Variants in BBS9 observed in about 807,000 individuals in gnomAD.
The protein encoded by BBS9 is Bardet-Biedl syndrome 9.
In BBS9, 89 loss-of-function variants were observed where a neutral mutation model predicts 117.7. The observed-to-expected ratio is 0.76, with a 90% CI of 0.64 to 0.90. The LOEUF is 0.90. Among genes scored for constraint, BBS9 ranks in the 40% least tolerant of loss-of-function variants. The pLI is 0.00. For synonymous variants in BBS9, 379 were observed against 370.9 expected, an observed-to-expected ratio of 1.02 and a Z score of -0.25; for missense variants, 982 against 1,042.2, an observed-to-expected ratio of 0.94 and a Z score of 0.80.
intron 9 of BBS9, among the ~76,000 whole-genome samples, chr7:33,298,131 AT>A (rs1011537899): frequency 1.3e-5 from 2 of 151,612 alleles, no homozygotes; most frequent in Non-Finnish European, 2.9e-5. Flanking sequence ...GAATATTTTC[AT>A]TTTTTTTCAT....
chr7:33,597,069 TCACACACA>T (rs58511454), intron 21 of BBS9, among the ~76,000 whole-genome samples: 6,316 of 138,872 alleles, frequency 0.045, 197 homozygotes, highest in South Asian at 0.11. Flanking sequence ...TCTCTCTCTG[TCACACACA>T]CACACACACA....
At chr7:33,562,066 C>A (rs1322453746) in intron 21 of BBS9, among the ~76,000 whole-genome samples, 1 of 152,156 alleles carries the variant, frequency 6.6e-6, no homozygotes, top group Non-Finnish European at 1.5e-5. Flanking sequence ...AAAGTAACTT[C>A]AATTTCAAAG....
intron 9 of BBS9, among the ~76,000 whole-genome samples, chr7:33,331,509 A>G (rs562899933): frequency 1.1e-4 from 17 of 152,298 alleles, no homozygotes; most frequent in Non-Finnish European, 2.2e-4. Flanking sequence ...GTATGCCTAG[A>G]AAACCCTAAA....
intron 9 of BBS9, among the ~76,000 whole-genome samples, chr7:33,298,830 G>T (rs552402386): frequency 4.7e-4 from 72 of 152,318 alleles, no homozygotes; most frequent in African/African-American, 1.7e-3. Flanking sequence ...GACTTGAACT[G>T]TAGTCCACAT....
chr7:33,614,001 T>C (rs1865010690), intron 21 of BBS9, among the ~76,000 whole-genome samples: 1 of 152,092 alleles, frequency 6.6e-6, no homozygotes. Context: ...TTGACACAAC[T>C]AAATGCTGGG....
intron 19 of BBS9, among the ~76,000 whole-genome samples, chr7:33,501,117 C>G (rs1245350234): frequency 6.6e-6 from 1 of 152,172 alleles, no homozygotes; most frequent in Admixed American, 6.5e-5. Flanking sequence ...ATCGCTCTCC[C>G]TCAAATTTAA....
At chr7:33,506,456 T>TA (rs1846165103) in intron 20 of BBS9, among the ~76,000 whole-genome samples, 1 of 152,164 alleles carries the variant, frequency 6.6e-6, no homozygotes, top group Admixed American at 6.5e-5. Flanking sequence ...AACAATTTTT[T>TA]TGAGTGGTTA....
At chr7:33,318,053 C>T (rs1229990855) in intron 9 of BBS9, among the ~76,000 whole-genome samples, 2 of 152,024 alleles carry the variant, frequency 1.3e-5, no homozygotes, top group African/African-American at 2.4e-5. Context: ...CTGTCTCAAA[C>T]AAAACAATAC....
chr7:33,534,464 T>C (rs1851062840), intron 21 of BBS9: 1 of 467,836 alleles, frequency 2.1e-6, no homozygotes, highest in Admixed American at 3.4e-5. Flanking sequence ...GATTAGAAGA[T>C]AAACTATTTT....
chr7:33,490,861 C>T (rs1164414788), intron 19 of BBS9, among the ~76,000 whole-genome samples: 2 of 152,080 alleles, frequency 1.3e-5, no homozygotes, highest in Non-Finnish European at 2.9e-5. Context: ...TTTCTAGCTC[C>T]GTGGAGTTCT....
At chr7:33,522,314 A>T (rs1585112157) in intron 20 of BBS9, among the ~76,000 whole-genome samples, 1 of 151,982 alleles carries the variant, frequency 6.6e-6, no homozygotes, top group Non-Finnish European at 1.5e-5. Flanking sequence ...TCCCTGAGGA[A>T]TCGCCACACT....
intron 18 of BBS9, among the ~76,000 whole-genome samples, chr7:33,385,838 A>G (rs1477041399): frequency 6.9e-6 from 1 of 145,242 alleles, no homozygotes; most frequent in African/African-American, 2.5e-5. Context: ...TCTTTTAAAA[A>G]CTTTATTTAA....
chr7:33,614,982 C>G (rs1229679981), intron 21 of BBS9, among the ~76,000 whole-genome samples: 2 of 152,036 alleles, frequency 1.3e-5, no homozygotes, highest in Non-Finnish European at 2.9e-5. Flanking sequence ...TGTCAGTCCA[C>G]AGTCAATCCT....
chr7:33,557,349 C>G (rs1160769455), intron 21 of BBS9, among the ~76,000 whole-genome samples: 1 of 152,136 alleles, frequency 6.6e-6, no homozygotes, highest in African/African-American at 2.4e-5. Context: ...ATCATCATTA[C>G]TTTATATTTA....
At chr7:33,486,872 C>T (rs1446152908) in intron 19 of BBS9, among the ~76,000 whole-genome samples, 2 of 152,186 alleles carry the variant, frequency 1.3e-5, no homozygotes, top group Non-Finnish European at 2.9e-5. Flanking sequence ...CAGACCAGTG[C>T]TGATACACAG....
chr7:33,173,826 C>T (rs1379906674), intron 4 of BBS9, among the ~76,000 whole-genome samples: 1 of 152,136 alleles, frequency 6.6e-6, no homozygotes, highest in Non-Finnish European at 1.5e-5. Context: ...ACTAAGGTTC[C>T]CATTTTTACC....
intron 21 of BBS9, among the ~76,000 whole-genome samples, chr7:33,573,145 A>G (rs189122915): frequency 6.6e-6 from 1 of 151,804 alleles, no homozygotes; most frequent in Non-Finnish European, 1.5e-5. Flanking sequence ...CTAATTTTCT[A>G]ATTTTCTGGT....
At chr7:33,379,244 C>A (rs1403619857) in intron 17 of BBS9, among the ~76,000 whole-genome samples, 1 of 152,100 alleles carries the variant, frequency 6.6e-6, no homozygotes, top group African/African-American at 2.4e-5. Context: ...CATTCAGGTA[C>A]CTTGAATTAT....
At chr7:33,566,190 T>C (rs547764487) in intron 21 of BBS9, among the ~76,000 whole-genome samples, 118 of 151,938 alleles carry the variant, frequency 7.8e-4, no homozygotes, top group Non-Finnish European at 9.1e-4. Context: ...GTTCTCATTA[T>C]TGTTAAGATA....
Sources: allele counts gnomAD v4.1 joint callset (sites outside exome capture counted in the v4.1 genomes callset), GRCh38; gene constraint gnomAD v4.1.1; transcripts MANE v1.5; gene names NCBI Gene and HGNC (gene_info 2026-07-23, HGNC 2026-07-21).